The following STK35 variants were observed in gnomAD, a reference collection of about 807,000 sequenced individuals.
STK35 encodes serine/threonine-protein kinase 35.
Under a neutral mutation model 37.3 loss-of-function variants are expected in STK35, and 17 were observed. The ratio of observed to expected loss-of-function variants is 0.46; its 90% CI spans 0.31 to 0.68. The LOEUF (loss-of-function observed/expected upper bound fraction) is 0.68. Among genes scored for constraint, STK35 ranks in the 30% least tolerant of loss-of-function variants. The pLI is 0.05. For missense variants in STK35, 595 were observed against 746.7 expected (o/e 0.80, Z 2.37); for synonymous variants, 385 against 319.1 (o/e 1.21, Z -2.20).
intron 3 of STK35, among the ~76,000 whole-genome samples, chr20:2,130,306 C>T (rs1985977108): frequency 6.6e-6 from 1 of 152,158 alleles, no homozygotes; most frequent in Non-Finnish European, 1.5e-5. Context: ...TTCACAGGCA[C>T]AGAATGGTCC....
At chr20:2,122,099 A>G (rs1319101499) in intron 3 of STK35, among the ~76,000 whole-genome samples, 1 of 152,206 alleles carries the variant, frequency 6.6e-6, no homozygotes, top group Non-Finnish European at 1.5e-5. Flanking sequence ...TTGGGAAGCC[A>G]AGTAGGGGCA....
intron 3 of STK35, among the ~76,000 whole-genome samples, chr20:2,143,055 C>T (rs1986197263): frequency 6.6e-6 from 1 of 152,200 alleles, no homozygotes; most frequent in Non-Finnish European, 1.5e-5. Flanking sequence ...TTCATAATAG[C>T]CTGTGACGCA....
rs1157006036 is a variant in STK35, at chr20:2,144,111, G to A, written c.*365G>A. ...ATTTCACTTTTACTTTTTATAAGGGGTTAGGGAGCTATTTTTGGTTTTGTC... is the reference window on the plus strand; with the variant it reads ...ATTTCACTTTTACTTTTTATAAGGGATTAGGGAGCTATTTTTGGTTTTGTC... On this transcript the variant is annotated 3_prime_UTR_variant, in exon 4 of 4. Transcript: ENST00000381482. 2 of 318,890 alleles carry A rather than the reference G, an allele frequency of 6.3e-6. No individual in the cohort carries two copies. Among genetic ancestry groups the A allele is most frequent in the Non-Finnish European group, 1.2e-5 (2 of 167,182 alleles). 19.8% of individuals were successfully genotyped at this position (318,890 alleles called of 1,614,324 possible). A position where few individuals can be genotyped will look rare whatever the true frequency, so the allele number is the denominator to read the frequency against.
rs1379812827 is a variant in STK35 at position 2,146,461 on chromosome 20, C to T, written c.*2715C>T. On this transcript the variant is annotated 3_prime_UTR_variant, in exon 4 of 4. Coordinates refer to ENST00000381482, the MANE Select transcript of STK35 (RefSeq NM_080836.4). Reference sequence around the variant, plus strand: ...CTTCAAACGGCAGTCATTTGTTCTCCTCGGCTCTGTGGCAAGGATAGCCCT... The same window carrying T: ...CTTCAAACGGCAGTCATTTGTTCTCTTCGGCTCTGTGGCAAGGATAGCCCT... 1 of 152,784 alleles carries T rather than the reference C, an allele frequency of 6.5e-6. No homozygotes were observed. The highest frequency in any genetic ancestry group is 2.4e-5 in the African/African-American group (1 of 41,464). 9.5% of individuals were successfully genotyped at this position (152,784 alleles called of 1,614,324 possible).
At chr20:2,112,024 A>C (rs1985628489) in intron 2 of STK35, among the ~76,000 whole-genome samples, 1 of 152,186 alleles carries the variant, frequency 6.6e-6, no homozygotes, top group African/African-American at 2.4e-5. Context: ...AATGACCAGA[A>C]GCCTATGTAA....
chr20:2,110,483 A>G (rs2122545385), intron 2 of STK35, among the ~76,000 whole-genome samples: 1 of 152,294 alleles, frequency 6.6e-6, no homozygotes, highest in East Asian at 1.9e-4. Flanking sequence ...ATTCTTGGAC[A>G]GTAGTTTTCC....
intron 1 of STK35, 70 bp downstream of exon 1, chr20:2,102,245 G>A (rs958660546): frequency 1.4e-6 from 2 of 1,384,398 alleles, no homozygotes; most frequent in South Asian, 3.2e-5. Context: ...TCCGCGCTTG[G>A]GAAGGGAAAT....
intron 2 of STK35, among the ~76,000 whole-genome samples, chr20:2,113,141 C>A (rs1212724373): frequency 2.0e-5 from 3 of 152,080 alleles, no homozygotes; most frequent in Non-Finnish European, 1.5e-5. Context: ...TTCAGTAATC[C>A]CCTAAAGTTT....
Position 2,117,435 on chromosome 20 carries a change from GT to G in STK35, c.*37+26del, listed in dbSNP as rs1985736067. On this transcript the variant is annotated intron_variant, in intron 3 of 3. Transcript: ENST00000381482. The surrounding 1 kb of genome is among the most constrained non-coding windows in gnomAD (Gnocchi z 4.4). ...AACTAGGTGAGTGCTCTCTGTTGTT[GT>G]TTTTTGTTTTTTGTTTTGAGACAGG... is the stretch of plus-strand genomic sequence containing the variant. 5.8e-6 allele frequency: 8 copies of G among 1,371,288 alleles called. No individual in the cohort carries two copies. Among genetic ancestry groups the G allele is most frequent in the Non-Finnish European group, 8.0e-6 (8 of 1,002,612 alleles). 84.9% of individuals were successfully genotyped at this position (1,371,288 alleles called of 1,614,324 possible). A position where few individuals can be genotyped will look rare whatever the true frequency, so the allele number is the denominator to read the frequency against.
chr20:2,102,970 C>A lies in STK35; in HGVS notation c.497C>A (p.Pro166Gln). 7.0e-7 allele frequency: 1 copy of A among 1,424,176 alleles called. No homozygotes were observed. The highest frequency in any genetic ancestry group is 9.1e-7 in the Non-Finnish European group (1 of 1,095,006). 88.2% of individuals were successfully genotyped at this position (1,424,176 alleles called of 1,614,324 possible). ...CGGGCGCCCAGCACGAAGCTGAGGC[C>A]GGCGGCGGCGGCCCGGGCCATGGAT... ...VPRAPSTKLR[P>Q]AAAARAMDPV... The change falls in exon 2 of 4, where the codon CCG (proline) becomes CAG (glutamine). Residue 166 changes from proline (P) to glutamine (Q), a missense_variant. By Grantham distance (76) the Pro-to-Gln change is moderately conservative. Around this residue, in one of 3 missense-constraint regions of STK35, gnomAD observed 389 missense variants for 320.0 expected, o/e 1.22. Coordinates refer to ENST00000381482, the MANE Select transcript of STK35 (RefSeq NM_080836.4).
chr20:2,102,362 A>T (rs1174288223), intron 1 of STK35, among the ~76,000 whole-genome samples, 187 bp downstream of exon 1: 1 of 152,166 alleles, frequency 6.6e-6, no homozygotes, highest in Non-Finnish European at 1.5e-5. Flanking sequence ...GCTAGGGCTT[A>T]ATTCAATGGA....
chr20:2,107,373 A>G (rs1054692102), intron 2 of STK35, among the ~76,000 whole-genome samples: 1 of 152,192 alleles, frequency 6.6e-6, no homozygotes, highest in Non-Finnish European at 1.5e-5. Context: ...TAAGACACTA[A>G]TTGTTCTTTA....
intron 2 of STK35, among the ~76,000 whole-genome samples, chr20:2,104,284 T>TC (rs1004049937): frequency 6.6e-6 from 1 of 152,156 alleles, no homozygotes; most frequent in African/African-American, 2.4e-5. Context: ...GAGGAGACTT[T>TC]CCGAGGCAGG....
At chr20:2,122,644 T>A (rs1057177792) in intron 3 of STK35, among the ~76,000 whole-genome samples, 1 of 152,106 alleles carries the variant, frequency 6.6e-6, no homozygotes, top group Non-Finnish European at 1.5e-5. Context: ...TAAAATGGAG[T>A]TGATCCTATA....
Position 2,147,886 on chromosome 20 carries a change from G to C in STK35, c.*4140G>C, listed in dbSNP as rs956902712. The stretch of plus-strand genomic sequence containing the variant: ...GAGATACTGGCTCTGCCAAGCTGTC[G>C]TACTGGGCTGTGGCACAGCCTTCGA... On this transcript the variant is annotated 3_prime_UTR_variant, in exon 4 of 4. Transcript: ENST00000381482. The C allele has an allele frequency of 6.6e-6, 1 of 152,224 alleles. No homozygotes were observed. The highest frequency in any genetic ancestry group is 6.5e-5 in the Admixed American group (1 of 15,278). The allele number at this position is 152,224 out of a possible 1,614,324, so 9.4% of individuals were successfully genotyped here. A position where few individuals can be genotyped will look rare whatever the true frequency, so the allele number is the denominator to read the frequency against.
intron 3 of STK35, among the ~76,000 whole-genome samples, chr20:2,140,568 T>C (rs6137101): frequency 0.33 from 50,331 of 151,914 alleles, 9,869 homozygotes; most frequent in East Asian, 0.92. Context: ...TGATGGCAGA[T>C]GGGAAAAGAA....
At position 2,147,919 on chromosome 20, in the gene STK35, C is replaced by T. The variant is rs557796599; in HGVS notation, c.*4173C>T. Reference sequence around the variant, plus strand: ...CTGTGGCACAGCCTTCGAGACAACACGGGTGTATCTCTGATCCTGCCCTAC... The same window carrying T: ...CTGTGGCACAGCCTTCGAGACAACATGGGTGTATCTCTGATCCTGCCCTAC... On this transcript the variant is annotated 3_prime_UTR_variant, in exon 4 of 4. Transcript: ENST00000381482. The T allele has an allele frequency of 2.6e-5, 4 of 152,178 alleles. No homozygotes were observed. The highest frequency in any genetic ancestry group is 6.5e-5 in the Admixed American group (1 of 15,282). 9.4% of individuals were successfully genotyped at this position (152,178 alleles called of 1,614,324 possible).
chr20:2,132,529 G>T (rs1397763190), intron 3 of STK35, among the ~76,000 whole-genome samples: 1 of 152,220 alleles, frequency 6.6e-6, no homozygotes, highest in Non-Finnish European at 1.5e-5. Context: ...AGGGTGAGTG[G>T]GTGGTGGTGA....
chr20:2,110,370 CTT>C (rs1432670621), intron 2 of STK35, among the ~76,000 whole-genome samples: 1 of 152,182 alleles, frequency 6.6e-6, no homozygotes, highest in African/African-American at 2.4e-5. Context: ...TGCTATGTGA[CTT>C]TCTCTTTTGG....
Sources: allele counts gnomAD v4.1 joint callset (sites outside exome capture counted in the v4.1 genomes callset), GRCh38; gene constraint gnomAD v4.1.1; regional missense constraint gnomAD v4.1.1; non-coding constraint Gnocchi (gnomAD v3.1); transcripts MANE v1.5; gene names NCBI Gene and HGNC (gene_info 2026-07-23, HGNC 2026-07-21).